The following ZFPM2 variants were observed in gnomAD, a reference collection of about 807,000 sequenced individuals.
The protein encoded by ZFPM2 is zinc finger protein, FOG family member 2.
In ZFPM2, 20 loss-of-function variants were observed where a neutral mutation model predicts 98.6. That is an observed-to-expected ratio of 0.20 (90% confidence interval 0.14 to 0.29). The LOEUF is 0.29. Among genes scored for constraint, ZFPM2 ranks in the 10% least tolerant of loss-of-function variants. The pLI is 1.00. For missense variants in ZFPM2, 1,310 were observed against 1,388.6 expected, an observed-to-expected ratio of 0.94 and a Z score of 0.90; for synonymous variants, 518 against 502.7, an observed-to-expected ratio of 1.03 and a Z score of -0.41.
intron 5 of ZFPM2, among the ~76,000 whole-genome samples, chr8:105,736,993 C>G (rs1474908256): frequency 6.6e-6 from 1 of 151,816 alleles, no homozygotes; most frequent in Non-Finnish European, 1.5e-5. Context: ...TTTTTTCACA[C>G]AAAATTCTTA....
intron 3 of ZFPM2, among the ~76,000 whole-genome samples, chr8:105,475,780 T>C (rs1009006717): frequency 6.6e-6 from 1 of 152,194 alleles, no homozygotes; most frequent in African/African-American, 2.4e-5. Flanking sequence ...CTTATTGATA[T>C]AGAGAAATGT....
chr8:105,750,480 C>A (rs1482012879), intron 5 of ZFPM2, among the ~76,000 whole-genome samples: 3 of 151,920 alleles, frequency 2.0e-5, no homozygotes, highest in Non-Finnish European at 4.4e-5. Context: ...AAATTAATAT[C>A]ATTCAAGGAA....
intron 3 of ZFPM2, among the ~76,000 whole-genome samples, chr8:105,483,070 A>G (rs1813156917): frequency 7.7e-6 from 1 of 130,362 alleles, no homozygotes; most frequent in East Asian, 2.3e-4. Context: ...TATGTTGCCC[A>G]GGCTGGTCTT....
At chr8:105,654,517 C>T (rs1817245153) in intron 5 of ZFPM2, among the ~76,000 whole-genome samples, 1 of 152,082 alleles carries the variant, frequency 6.6e-6, no homozygotes, top group Admixed American at 6.6e-5. Context: ...AAGTTTTGTG[C>T]CGGAGACACA....
chr8:105,785,521 A>AAGTT (rs1201055175), intron 5 of ZFPM2, among the ~76,000 whole-genome samples: 29 of 152,154 alleles, frequency 1.9e-4, no homozygotes, highest in Non-Finnish European at 1.2e-4. Flanking sequence ...CTCAAGTCTA[A>AAGTT]AGTTAGGGAA....
At chr8:105,455,243 C>G (rs1227035161) in intron 3 of ZFPM2, among the ~76,000 whole-genome samples, 1 of 152,058 alleles carries the variant, frequency 6.6e-6, no homozygotes. Flanking sequence ...TATTTAAAGA[C>G]CTCAATCTAG....
chr8:105,538,775 G>A (rs1814515352), intron 3 of ZFPM2, among the ~76,000 whole-genome samples: 1 of 152,088 alleles, frequency 6.6e-6, no homozygotes, highest in African/African-American at 2.4e-5. Flanking sequence ...ACTTCAGGTG[G>A]CTGCAGTGGG....
Position 105,698,072 on chromosome 8 carries a change from C to T in ZFPM2, c.532+63715C>T, listed in dbSNP as rs561796442. On this transcript the variant is annotated intron_variant, in intron 5 of 7. Transcript: ENST00000407775. ...ATTTTCCCTTGTATTTCTCTCATGT[C>T]TTTCACAATGCCTAATTTTGCTCTA... 2.0e-5 allele frequency among the ~76,000 whole-genome samples: 3 copies of T among 152,278 alleles called. No homozygotes were observed. In the South Asian group the frequency reaches 6.2e-4, roughly 32 times the overall value.
At chr8:105,398,613 A>ACCTAGATCCCTCACATGCAC (rs1417397485) in intron 1 of ZFPM2, among the ~76,000 whole-genome samples, 2 of 152,094 alleles carry the variant, frequency 1.3e-5, no homozygotes, top group Admixed American at 1.3e-4. Context: ...GGAGCATGCA[A>ACCTAGATCCCTCACATGCAC]CCTAGATCCC....
intron 4 of ZFPM2, among the ~76,000 whole-genome samples, chr8:105,609,136 A>AG (rs1349529144): frequency 1.2e-4 from 18 of 152,138 alleles, no homozygotes; most frequent in Non-Finnish European, 1.6e-4. Context: ...GGGACATAAA[A>AG]GGGTGAACTG....
intron 4 of ZFPM2, among the ~76,000 whole-genome samples, chr8:105,621,469 C>T (rs1816545078): frequency 6.6e-6 from 1 of 152,256 alleles, no homozygotes; most frequent in Admixed American, 6.5e-5. Flanking sequence ...ATGTCATCTG[C>T]AAACAGGGTC....
rs532164630 is a variant in ZFPM2 at position 105,673,147 on chromosome 8, T to A, written c.532+38790T>A. Among the ~76,000 whole-genome samples the A allele has an allele frequency of 1.9e-4, 29 of 151,830 alleles. No homozygotes were observed. In the East Asian group the frequency reaches 3.3e-3, roughly 17 times the overall value. On this transcript the variant is annotated intron_variant, in intron 5 of 7. Transcript: ENST00000407775. ...GTGCCAGGGAAGAACTTAAATATATTTTTTTTCATATTTCTACTTCTATTT... is the reference window on the plus strand; with the variant it reads ...GTGCCAGGGAAGAACTTAAATATATATTTTTTCATATTTCTACTTCTATTT...
chr8:105,802,074 T>G lies in ZFPM2; in HGVS notation c.1992T>G (p.Asn664Lys). The change falls in exon 8 of 8, where the codon AAT becomes AAG. Residue 664 changes from asparagine (N) to lysine (K), a missense_variant. Coordinates refer to ENST00000407775, the MANE Select transcript of ZFPM2 (RefSeq NM_012082.4). ...STSSNNDDKI[N>K]GKPVDVKNPS... ...CCAGTAACAATGATGACAAAATTAA[T>G]GGAAAACCTGTTGATGTGAAAAATC... is the stretch of plus-strand genomic sequence containing the variant. The G allele has an allele frequency of 6.2e-7, 1 of 1,613,756 alleles. No homozygotes were observed.
At chr8:105,431,133 C>G (rs1267935290) in intron 2 of ZFPM2, among the ~76,000 whole-genome samples, 1 of 151,982 alleles carries the variant, frequency 6.6e-6, no homozygotes, top group Non-Finnish European at 1.5e-5. Flanking sequence ...GTCTCAAACT[C>G]CTGACCTCAG....
At chr8:105,736,294 T>A (rs933310032) in intron 5 of ZFPM2, among the ~76,000 whole-genome samples, 6 of 151,960 alleles carry the variant, frequency 3.9e-5, no homozygotes, top group Admixed American at 2.0e-4. Flanking sequence ...ATTTCTAGTA[T>A]ACCCTTGCTG....
chr8:105,431,033 A>T (rs952393522), intron 2 of ZFPM2, among the ~76,000 whole-genome samples: 6 of 151,464 alleles, frequency 4.0e-5, no homozygotes, highest in Admixed American at 6.6e-5. Context: ...CCTCCTGAGT[A>T]GCTGGGACTA....
At chr8:105,507,203 C>T (rs574337472) in intron 3 of ZFPM2, among the ~76,000 whole-genome samples, 1 of 152,254 alleles carries the variant, frequency 6.6e-6, no homozygotes, top group South Asian at 2.1e-4. Flanking sequence ...GAATATCTAC[C>T]TGCATTCGTA....
At chr8:105,336,456 G>C (rs185890425) in intron 1 of ZFPM2, among the ~76,000 whole-genome samples, 1 of 151,758 alleles carries the variant, frequency 6.6e-6, no homozygotes, top group East Asian at 1.9e-4. Context: ...TCTTTGGTTT[G>C]CATGTTTTAA....
intron 4 of ZFPM2, among the ~76,000 whole-genome samples, chr8:105,583,682 C>T (rs544431883): frequency 6.6e-6 from 1 of 152,036 alleles, no homozygotes; most frequent in Non-Finnish European, 1.5e-5. Flanking sequence ...GGCAGTAAAA[C>T]CATGGAAGAT....
Sources: gnomAD v4.1 joint callset for allele counts (sites outside exome capture counted in the v4.1 genomes callset) on GRCh38, gnomAD v4.1.1 for gene constraint, MANE v1.5 for transcripts, NCBI Gene and HGNC (gene_info 2026-07-23, HGNC 2026-07-21) for gene names.